Variants in RBPJ observed in about 807,000 individuals in gnomAD.
The protein encoded by RBPJ is recombining binding protein suppressor of hairless.
Under a neutral mutation model 67.8 loss-of-function variants are expected in RBPJ, and 9 were observed. The observed-to-expected ratio is 0.13, with a 90% CI of 0.08 to 0.23. The LOEUF (loss-of-function observed/expected upper bound fraction) is 0.23, where lower values mean the gene tolerates loss of function less well. Among genes scored for constraint, RBPJ ranks in the 10% least tolerant of loss-of-function variants. The probability of loss-of-function intolerance (pLI) is 1.00; values close to 1 mark genes in which losing one functional copy is unlikely to be tolerated. For missense variants in RBPJ, 305 were observed against 595.6 expected (o/e 0.51, Z 5.08); for synonymous variants, 198 against 203.3 (o/e 0.97, Z 0.22).
At chr4:26,376,932 ATCT>A (rs2109580849) in intron 1 of RBPJ, among the ~76,000 whole-genome samples, 1 of 152,284 alleles carries the variant, frequency 6.6e-6, no homozygotes, top group East Asian at 1.9e-4. Context: ...CCACTTGTGT[ATCT>A]TCCTTAGAGA....
At chr4:26,327,961 G>A (rs1233002577) in intron 1 of RBPJ, among the ~76,000 whole-genome samples, 1 of 152,092 alleles carries the variant, frequency 6.6e-6, no homozygotes, top group Non-Finnish European at 1.5e-5. Context: ...AAAATAATGT[G>A]AACAGTCTAT....
chr4:26,245,748 T>C (rs1719908253), intron 1 of RBPJ, among the ~76,000 whole-genome samples: 1 of 152,210 alleles, frequency 6.6e-6, no homozygotes, highest in African/African-American at 2.4e-5. Context: ...TATTCTTGTG[T>C]GACGTAGGGG....
intron 1 of RBPJ, among the ~76,000 whole-genome samples, chr4:26,270,026 A>C (rs1203184533): frequency 1.3e-5 from 2 of 151,880 alleles, no homozygotes; most frequent in Non-Finnish European, 2.9e-5. Flanking sequence ...TCAGACCTGT[A>C]ATCTCAGCAC....
At chr4:26,345,919 CT>C (rs1456969400) in intron 1 of RBPJ, among the ~76,000 whole-genome samples, 2 of 152,100 alleles carry the variant, frequency 1.3e-5, no homozygotes, top group African/African-American at 4.8e-5. Flanking sequence ...AAAATCACAT[CT>C]TTTCTAAGCT....
chr4:26,244,199 CT>C (rs1319958070), intron 1 of RBPJ, among the ~76,000 whole-genome samples: 6 of 104,952 alleles, frequency 5.7e-5, no homozygotes, highest in Non-Finnish European at 6.2e-5. Flanking sequence ...ATATATGTGT[CT>C]ATATATGTAT....
chr4:26,209,541 TCCTTCCTCCTTCCCTGTCTCCCTC>T lies in RBPJ; in HGVS notation c.-167+45967_-167+45990del, dbSNP rs1560211307. Among the ~76,000 whole-genome samples, 70 of 80,976 alleles carry T rather than the reference TCCTTCCTCCTTCCCTGTCTCCCTC, an allele frequency of 8.6e-4. 1 individual carries two copies. Among genetic ancestry groups the T allele is most frequent in the Middle Eastern group, 6.3e-3 (1 of 158 alleles). The allele number at this position is 80,976 out of a possible 152,430, so 53.1% of individuals were successfully genotyped here. ...ACAATCAAGTGACATCCTATCTCCT[TCCTTCCTCCTTCCCTGTCTCCCTC>T]CCTTCCTCCTTCCCTGTCTCCCTCC... On this transcript the variant is annotated intron_variant, in intron 1 of 4. Coordinates refer to the RBPJ transcript ENST00000512351.
upstream of RBPJ, among the ~76,000 whole-genome samples, chr4:26,317,456 T>C (rs772501874): frequency 2.3e-4 from 35 of 151,862 alleles, no homozygotes; most frequent in Admixed American, 3.3e-4. Flanking sequence ...TGAAGGCAGA[T>C]AGATCAGGGG....
At chr4:26,262,496 G>A (rs1015120092) in intron 1 of RBPJ, among the ~76,000 whole-genome samples, 3 of 152,082 alleles carry the variant, frequency 2.0e-5, no homozygotes, top group Non-Finnish European at 4.4e-5. Context: ...CCTTGGCTTC[G>A]AGGATAACTT....
chr4:26,260,790 C>A (rs191760970), intron 1 of RBPJ, among the ~76,000 whole-genome samples: 1 of 152,298 alleles, frequency 6.6e-6, no homozygotes, highest in Admixed American at 6.5e-5. Context: ...CTCAAGGCCC[C>A]ACTCAAGTCT....
chr4:26,204,005 T>C (rs1268629286), intron 1 of RBPJ, among the ~76,000 whole-genome samples: 3 of 152,140 alleles, frequency 2.0e-5, no homozygotes, highest in African/African-American at 7.2e-5. Context: ...AGTGTAGTGG[T>C]GTGATCACAG....
intron 1 of RBPJ, among the ~76,000 whole-genome samples, chr4:26,182,970 C>T (rs1053891234): frequency 3.9e-5 from 6 of 152,200 alleles, no homozygotes; most frequent in African/African-American, 1.4e-4. Flanking sequence ...AATACCTTCT[C>T]CTAGGTACCT....
At chr4:26,131,150 G>A in the RBPJ span, among the ~76,000 whole-genome samples, 234 of 152,238 alleles carry the variant, frequency 1.5e-3, 1 homozygote, top group Non-Finnish European at 1.6e-3. Context: ...GGCTCCCTGC[G>A]TTCTTTTCTC....
intron 1 of RBPJ, among the ~76,000 whole-genome samples, chr4:26,181,298 A>G (rs1273201387): frequency 6.6e-6 from 1 of 152,234 alleles, no homozygotes; most frequent in South Asian, 2.1e-4. Context: ...AGCACAGTCT[A>G]AACAAAGGAA....
chr4:26,168,950 G>C (rs1490160393), intron 1 of RBPJ, among the ~76,000 whole-genome samples: 1 of 152,072 alleles, frequency 6.6e-6, no homozygotes, highest in African/African-American at 2.4e-5. Context: ...CTCTGTATTG[G>C]TTATTCTAGT....
chr4:26,160,416 G>T (rs867434550), upstream of RBPJ, among the ~76,000 whole-genome samples: 12 of 152,120 alleles, frequency 7.9e-5, no homozygotes, highest in South Asian at 2.1e-4. Flanking sequence ...AATACCAAAG[G>T]ACAACTGGTA....
upstream of RBPJ, among the ~76,000 whole-genome samples, chr4:26,159,766 T>C (rs1008053185): frequency 1.3e-5 from 2 of 152,150 alleles, no homozygotes; most frequent in East Asian, 3.9e-4. Flanking sequence ...TTATCTTTCA[T>C]ATATCAGTAC....
At chr4:26,258,164 G>A (rs1720406547) in intron 1 of RBPJ, among the ~76,000 whole-genome samples, 1 of 152,226 alleles carries the variant, frequency 6.6e-6, no homozygotes, top group African/African-American at 2.4e-5. Flanking sequence ...TTTTGCTTCA[G>A]ATGGCAATAG....
intron 1 of RBPJ, among the ~76,000 whole-genome samples, chr4:26,216,851 G>A (rs531720665): frequency 1.3e-5 from 2 of 152,272 alleles, no homozygotes; most frequent in South Asian, 2.1e-4. Flanking sequence ...CCTGAGCCCA[G>A]GAAGTTGAGG....
chr4:26,112,365 A>C, the RBPJ span: 1 of 157,284 alleles, frequency 6.4e-6, no homozygotes, highest in African/African-American at 2.4e-5. Context: ...TGATGCATTT[A>C]ATGTACGTGA....
Sources: allele counts gnomAD v4.1 joint callset (sites outside exome capture counted in the v4.1 genomes callset), GRCh38; gene constraint gnomAD v4.1.1; transcripts MANE v1.5; gene names NCBI Gene and HGNC (gene_info 2026-07-23, HGNC 2026-07-21).